Variants in KCNT2 observed in about 807,000 individuals in gnomAD.
KCNT2 encodes the protein potassium channel subfamily T member 2.
A neutral mutation model predicts 153.8 loss-of-function variants in KCNT2; 67 were observed. The observed-to-expected ratio is 0.44, with a 90% CI of 0.36 to 0.53. KCNT2 has a LOEUF of 0.53. Among genes scored for constraint, KCNT2 ranks in the 20% least tolerant of loss-of-function variants. The pLI, the probability that KCNT2 is intolerant of heterozygous loss-of-function variation, is 0.00. For missense variants in KCNT2, 975 were observed against 1,354.8 expected, an observed-to-expected ratio of 0.72 and a Z score of 4.40; for synonymous variants, 500 against 458.8, an observed-to-expected ratio of 1.09 and a Z score of -1.15.
At chr1:196,349,672 T>C (rs1666458175) in intron 14 of KCNT2, among the ~76,000 whole-genome samples, 1 of 151,752 alleles carries the variant, frequency 6.6e-6, no homozygotes, top group Non-Finnish European at 1.5e-5. Context: ...GTCAAACCTT[T>C]TTATTTTATT....
At chr1:196,317,208 C>A (rs891868913) in intron 20 of KCNT2, 2 of 449,886 alleles carry the variant, frequency 4.4e-6, no homozygotes, top group Non-Finnish European at 9.0e-6. Context: ...AGGAGTAGTC[C>A]AGAAAAAATA....
At chr1:196,371,574 A>G (rs1258527392) in intron 14 of KCNT2, among the ~76,000 whole-genome samples, 1 of 152,120 alleles carries the variant, frequency 6.6e-6, no homozygotes, top group Non-Finnish European at 1.5e-5. Context: ...ACACAGTTGT[A>G]AAATAATTTT....
chr1:196,548,016 T>C (rs1262245846), intron 1 of KCNT2, among the ~76,000 whole-genome samples: 1 of 151,846 alleles, frequency 6.6e-6, no homozygotes, highest in Non-Finnish European at 1.5e-5. Flanking sequence ...TATTGAGTAA[T>C]AGAAATTTTA....
intron 3 of KCNT2, among the ~76,000 whole-genome samples, chr1:196,482,736 G>A (rs999387287): frequency 2.6e-5 from 4 of 151,718 alleles, no homozygotes; most frequent in African/African-American, 7.3e-5. Flanking sequence ...TTTGTAACAG[G>A]ACATATATAT....
chr1:196,324,719 A>G (rs914059345), intron 19 of KCNT2, among the ~76,000 whole-genome samples: 1 of 152,068 alleles, frequency 6.6e-6, no homozygotes, highest in Admixed American at 6.6e-5. Flanking sequence ...ATTATCTGAT[A>G]AAAGCCACAT....
intron 22 of KCNT2, among the ~76,000 whole-genome samples, chr1:196,289,368 T>G (rs754869259): frequency 6.6e-6 from 1 of 152,128 alleles, no homozygotes; most frequent in Non-Finnish European, 1.5e-5. Flanking sequence ...TTATTAATAA[T>G]CTATCTCAGC....
intron 14 of KCNT2, among the ~76,000 whole-genome samples, chr1:196,372,176 C>T (rs1194758486): frequency 6.6e-6 from 1 of 151,918 alleles, no homozygotes; most frequent in African/African-American, 2.4e-5. Flanking sequence ...GAAACTTTTA[C>T]CATCCCAATT....
chr1:196,314,856 A>G (rs1174356403), intron 21 of KCNT2, among the ~76,000 whole-genome samples: 1 of 151,736 alleles, frequency 6.6e-6, no homozygotes, highest in Non-Finnish European at 1.5e-5. Context: ...AATAGCTAAT[A>G]TTTATTAAGT....
intron 27 of KCNT2, among the ~76,000 whole-genome samples, chr1:196,231,511 G>GA (rs993436888): frequency 8.0e-5 from 12 of 149,894 alleles, no homozygotes; most frequent in Admixed American, 1.3e-4. Flanking sequence ...TATAATGGAA[G>GA]AAAAAAAAAG....
chr1:196,543,538 CT>C (rs1558059359), intron 1 of KCNT2, among the ~76,000 whole-genome samples: 2 of 152,014 alleles, frequency 1.3e-5, no homozygotes, highest in Non-Finnish European at 2.9e-5. Flanking sequence ...CAAAACCAAA[CT>C]TAATTAAAAA....
intron 1 of KCNT2, among the ~76,000 whole-genome samples, chr1:196,585,630 G>A (rs1031204319): frequency 4.6e-5 from 7 of 151,846 alleles, no homozygotes; most frequent in Admixed American, 2.0e-4. Flanking sequence ...ATCACAAAAC[G>A]AATTTGATGA....
At chr1:196,477,627 A>G (rs1385256066) in intron 5 of KCNT2, among the ~76,000 whole-genome samples, 2 of 152,140 alleles carry the variant, frequency 1.3e-5, no homozygotes, top group Non-Finnish European at 2.9e-5. Context: ...TTGATGTGCT[A>G]GATATGAGTT....
chr1:196,268,158 T>C (rs1026073969), intron 25 of KCNT2, among the ~76,000 whole-genome samples: 8 of 152,190 alleles, frequency 5.3e-5, no homozygotes, highest in Non-Finnish European at 7.3e-5. Context: ...CTTGGGTCAC[T>C]GCCTGTGGTT....
chr1:196,391,273 A>G (rs1670465231), intron 13 of KCNT2, among the ~76,000 whole-genome samples: 1 of 151,442 alleles, frequency 6.6e-6, no homozygotes, highest in African/African-American at 2.4e-5. Context: ...CTTCTTCATC[A>G]TTATGTCACT....
At chr1:196,268,106 C>G (rs994883293) in intron 25 of KCNT2, among the ~76,000 whole-genome samples, 2 of 152,122 alleles carry the variant, frequency 1.3e-5, no homozygotes, top group Admixed American at 1.3e-4. Flanking sequence ...GCACTAGACA[C>G]CCTGGATAAA....
intron 26 of KCNT2, among the ~76,000 whole-genome samples, chr1:196,240,574 T>C (rs1254897093): frequency 6.6e-6 from 1 of 151,968 alleles, no homozygotes; most frequent in Non-Finnish European, 1.5e-5. Context: ...CATGCATAAA[T>C]AGAGAAAGCG....
chr1:196,395,661 A>G (rs564622078), intron 13 of KCNT2, among the ~76,000 whole-genome samples: 12 of 151,670 alleles, frequency 7.9e-5, no homozygotes, highest in Non-Finnish European at 1.6e-4. Flanking sequence ...GTCAGTACAC[A>G]GGACAGCAAC....
chr1:196,428,346 A>C, intron 9 of KCNT2, 77 bp from the exon 10 acceptor site: 1 of 1,024,424 alleles, frequency 9.8e-7, no homozygotes, highest in Non-Finnish European at 1.5e-6. Flanking sequence ...TCTATTGTTT[A>C]TTAGGTATTT....
intron 1 of KCNT2, among the ~76,000 whole-genome samples, chr1:196,605,279 C>G (rs1665189912): frequency 6.6e-6 from 1 of 152,132 alleles, no homozygotes; most frequent in Non-Finnish European, 1.5e-5. Flanking sequence ...GAATTGATCA[C>G]AGATAAAATA....
Sources: gnomAD v4.1 joint callset for allele counts (sites outside exome capture counted in the v4.1 genomes callset) on GRCh38, gnomAD v4.1.1 for gene constraint, MANE v1.5 for transcripts, NCBI Gene and HGNC (gene_info 2026-07-23, HGNC 2026-07-21) for gene names.